Variants in CPVL observed in about 807,000 individuals in gnomAD.
CPVL encodes probable serine carboxypeptidase CPVL.
In CPVL, 51 loss-of-function variants were observed where a neutral mutation model predicts 63.7. The observed-to-expected ratio is 0.80, with a 90% CI of 0.64 to 1.01. The LOEUF (loss-of-function observed/expected upper bound fraction) is 1.01, where lower values mean the gene tolerates loss of function less well. CPVL is among the 50% of genes least tolerant of loss of function. The pLI, the probability that CPVL is intolerant of heterozygous loss-of-function variation, is 0.00. For synonymous variants in CPVL, 195 were observed against 206.0 expected, an observed-to-expected ratio of 0.95 and a Z score of 0.46; for missense variants, 530 against 573.1, an observed-to-expected ratio of 0.92 and a Z score of 0.77.
chr7:29,091,513 T>TA (rs1785789021), intron 6 of CPVL, among the ~76,000 whole-genome samples: 1 of 152,156 alleles, frequency 6.6e-6, no homozygotes. Context: ...TGCCGTCCGT[T>TA]ACGTCTGTGG....
intron 12 of CPVL, among the ~76,000 whole-genome samples, chr7:28,998,065 A>G (rs1159773033): frequency 6.6e-6 from 1 of 152,188 alleles, no homozygotes; most frequent in African/African-American, 2.4e-5. Context: ...CTGAAAGTAA[A>G]CATGTGTGAC....
At chr7:29,165,287 C>T (rs944787838) in intron 5 of CPVL, among the ~76,000 whole-genome samples, 7 of 152,044 alleles carry the variant, frequency 4.6e-5, no homozygotes, top group Admixed American at 2.6e-4. Flanking sequence ...TTCATATTTT[C>T]TGCTATTTTA....
At chr7:29,185,090 C>T (rs915103504) in intron 3 of CPVL, among the ~76,000 whole-genome samples, 1 of 152,160 alleles carries the variant, frequency 6.6e-6, no homozygotes, top group Non-Finnish European at 1.5e-5. Flanking sequence ...TATTTTTTCT[C>T]CAAACCAATT....
At chr7:29,007,266 GT>G (rs2128131284) in intron 12 of CPVL, among the ~76,000 whole-genome samples, 1 of 152,278 alleles carries the variant, frequency 6.6e-6, no homozygotes, top group African/African-American at 2.4e-5. Context: ...TACTAACTAA[GT>G]GCATATTTGG....
Position 29,120,389 on chromosome 7 carries a change from T to C in CPVL, c.169+504A>G, listed in dbSNP as rs888507280. 5.9e-5 allele frequency among the ~76,000 whole-genome samples: 9 copies of C among 151,970 alleles called. No homozygotes were observed. In the East Asian group the frequency reaches 1.7e-3, roughly 29 times the overall value. On this transcript the variant is annotated intron_variant, in intron 2 of 12. Transcript: ENST00000265394. ...GTAAGCAGAGATTGCGCCACCGCACTCCAGCCTGGGCAACAGAGCAAGACT... is the reference window on the plus strand; with the variant it reads ...GTAAGCAGAGATTGCGCCACCGCACCCCAGCCTGGGCAACAGAGCAAGACT...
chr7:29,069,205 C>T (rs140754887), intron 9 of CPVL, among the ~76,000 whole-genome samples: 15,208 of 150,592 alleles, frequency 0.1, 2,556 homozygotes, highest in African/African-American at 0.35. Context: ...TTTGGAAGGC[C>T]GAGGCGGGCG....
chr7:29,167,884 T>G (rs1482943270), intron 5 of CPVL, among the ~76,000 whole-genome samples: 4 of 152,178 alleles, frequency 2.6e-5, no homozygotes, highest in Non-Finnish European at 5.9e-5. Context: ...AGCAATTACT[T>G]ACTGATGCAA....
intron 12 of CPVL, among the ~76,000 whole-genome samples, chr7:29,005,319 A>G (rs527269306): frequency 3.2e-4 from 49 of 152,304 alleles, no homozygotes; most frequent in African/African-American, 1.1e-3. Flanking sequence ...TTTCCCTTTA[A>G]GAAGTGAAGA....
intron 5 of CPVL, among the ~76,000 whole-genome samples, chr7:29,153,859 C>T (rs918620430): frequency 1.8e-4 from 28 of 152,258 alleles, no homozygotes; most frequent in African/African-American, 6.0e-4. Context: ...CATGAGCCAC[C>T]GCACCTGGCC....
intron 5 of CPVL, among the ~76,000 whole-genome samples, chr7:29,175,185 T>A (rs1262593420): frequency 1.3e-5 from 2 of 151,900 alleles, no homozygotes; most frequent in East Asian, 3.9e-4. Flanking sequence ...TTTCCTTTTT[T>A]TTTTTTTGAG....
chr7:29,137,524 C>T (rs1316476977), intron 1 of CPVL, among the ~76,000 whole-genome samples: 1 of 152,208 alleles, frequency 6.6e-6, no homozygotes, highest in Admixed American at 6.5e-5. Context: ...GAAGACGGAG[C>T]TGCCATTTTG....
At chr7:29,013,608 C>G (rs1786080080) in intron 12 of CPVL, among the ~76,000 whole-genome samples, 1 of 152,230 alleles carries the variant, frequency 6.6e-6, no homozygotes, top group Non-Finnish European at 1.5e-5. Context: ...ATTAGGCAAA[C>G]CACCAGCTCC....
At chr7:29,105,685 C>A (rs1167138570) in intron 3 of CPVL, among the ~76,000 whole-genome samples, 1 of 152,084 alleles carries the variant, frequency 6.6e-6, no homozygotes, top group African/African-American at 2.4e-5. Context: ...GAAACATTCA[C>A]CTTTAATTCT....
rs368530438 is a variant in CPVL, at chr7:29,044,803, T to A, written c.1138-14044A>T. On this transcript the variant is annotated intron_variant, in intron 11 of 12. Coordinates refer to ENST00000265394, the MANE Select transcript of CPVL (RefSeq NM_031311.5). The stretch of plus-strand genomic sequence containing the variant: ...GGGTTTCATAGCAACTGAATTTAAA[T>A]ATACATTTCTTAGCTTACTGGGTTT... Among the ~76,000 whole-genome samples the A allele has an allele frequency of 5.9e-5, 9 of 152,328 alleles. No homozygotes were observed. In the East Asian group the frequency reaches 1.3e-3, roughly 23 times the overall value.
chr7:29,060,925 G>C (rs1791211232), intron 11 of CPVL, among the ~76,000 whole-genome samples: 1 of 152,154 alleles, frequency 6.6e-6, no homozygotes, highest in Non-Finnish European at 1.5e-5. Context: ...GAACACTGAG[G>C]TTCAACATCA....
intron 9 of CPVL, 42 bp downstream of exon 9, chr7:29,071,731 G>GTTTTT: frequency 7.0e-7 from 1 of 1,433,268 alleles, no homozygotes. Context: ...TCCCCAGATG[G>GTTTTT]TTTTAATTGC....
chr7:29,044,180 C>T lies in CPVL; in HGVS notation c.1138-13421G>A, dbSNP rs551497436. Among the ~76,000 whole-genome samples the T allele has an allele frequency of 5.3e-5, 8 of 152,064 alleles. No individual in the cohort carries two copies. In the South Asian group the frequency reaches 1.5e-3, roughly 28 times the overall value. ...CTCTAGTCCCAGCAGTTTGGGAGGCCGAGGCAGGAGTTCAAGACCTGAAGT... is the reference window on the plus strand; with the variant it reads ...CTCTAGTCCCAGCAGTTTGGGAGGCTGAGGCAGGAGTTCAAGACCTGAAGT... On this transcript the variant is annotated intron_variant, in intron 11 of 12. Transcript: ENST00000265394.
chr7:29,123,173 C>T (rs943787503), intron 1 of CPVL, among the ~76,000 whole-genome samples: 2 of 152,016 alleles, frequency 1.3e-5, no homozygotes, highest in South Asian at 2.1e-4. Context: ...AATCTTTTAA[C>T]GACATGCTTA....
At chr7:29,094,097 T>C (rs1786137931) in intron 5 of CPVL, among the ~76,000 whole-genome samples, 1 of 152,092 alleles carries the variant, frequency 6.6e-6, no homozygotes, top group Non-Finnish European at 1.5e-5. Context: ...TCCCAGCACT[T>C]TGGGAGGCTG....
Sources: allele counts gnomAD v4.1 joint callset (sites outside exome capture counted in the v4.1 genomes callset), GRCh38; gene constraint gnomAD v4.1.1; transcripts MANE v1.5; gene names NCBI Gene and HGNC (gene_info 2026-07-23, HGNC 2026-07-21).